Variants in PRKN observed in about 807,000 individuals in gnomAD.
PRKN encodes parkin RBR E3 ubiquitin protein ligase.
PRKN carries 56 observed loss-of-function variants against 59.5 expected under a neutral mutation model. The observed-to-expected ratio is 0.94, with a 90% CI of 0.76 to 1.18. The LOEUF is 1.18. Among genes scored for constraint, PRKN ranks in the 50% most tolerant of loss-of-function variants. The pLI is 0.00. For missense variants in PRKN, 657 were observed against 596.4 expected (o/e 1.10, Z -1.06); for synonymous variants, 250 against 222.1 (o/e 1.13, Z -1.12).
At chr6:161,729,461 T>C (rs1787584148) in intron 7 of PRKN, among the ~76,000 whole-genome samples, 2 of 152,334 alleles carry the variant, frequency 1.3e-5, no homozygotes, top group Middle Eastern at 3.4e-3. Context: ...TTGATTATTA[T>C]AGGTTGGAAA....
chr6:162,180,061 G>A (rs1209536411), intron 4 of PRKN, among the ~76,000 whole-genome samples: 1 of 150,694 alleles, frequency 6.6e-6, no homozygotes, highest in Non-Finnish European at 1.5e-5. Flanking sequence ...CCACAGCTGG[G>A]GGCCTTTGTG....
chr6:162,213,183 GTGGTCCTAAAGAAACAGAAGAA>G (rs1364798177), intron 3 of PRKN, among the ~76,000 whole-genome samples: 1 of 152,124 alleles, frequency 6.6e-6, no homozygotes, highest in Non-Finnish European at 1.5e-5. Context: ...AAGTGGGGTG[GTGGTCCTAAAGAAACAGAAGAA>G]TATTAAAAAC....
intron 7 of PRKN, among the ~76,000 whole-genome samples, chr6:161,685,924 G>A (rs565633980): frequency 2.0e-5 from 3 of 152,156 alleles, no homozygotes; most frequent in Admixed American, 1.3e-4. Context: ...ACCTCACCCC[G>A]GTCCCAGGCC....
At chr6:161,664,127 G>A (rs1472402085) in intron 7 of PRKN, among the ~76,000 whole-genome samples, 1 of 152,198 alleles carries the variant, frequency 6.6e-6, no homozygotes, top group Non-Finnish European at 1.5e-5. Context: ...GGAGCTTATG[G>A]AGGAGAAGTG....
At chr6:161,643,553 C>T (rs1008274158) in intron 7 of PRKN, among the ~76,000 whole-genome samples, 1 of 152,194 alleles carries the variant, frequency 6.6e-6, no homozygotes, top group African/African-American at 2.4e-5. Context: ...TTCATTTAAA[C>T]ATAGGCCAGT....
At chr6:162,202,608 C>A (rs1784777399) in intron 3 of PRKN, among the ~76,000 whole-genome samples, 1 of 152,048 alleles carries the variant, frequency 6.6e-6, no homozygotes, top group South Asian at 2.1e-4. Context: ...CCCTAATGTA[C>A]AACATATTCA....
intron 2 of PRKN, among the ~76,000 whole-genome samples, chr6:162,399,556 T>C (rs78938030): frequency 1.3e-5 from 2 of 152,102 alleles, no homozygotes; most frequent in Non-Finnish European, 2.9e-5. Flanking sequence ...CATGCATGTA[T>C]GCATGCATGC....
rs868203456 is a variant in PRKN at position 161,592,712 on chromosome 6, G to A, written c.872-23296C>T. Among the ~76,000 whole-genome samples the A allele has an allele frequency of 6.6e-6, 1 of 152,114 alleles. No individual in the cohort carries two copies. Among genetic ancestry groups the A allele is most frequent in the African/African-American group, 2.4e-5 (1 of 41,436 alleles). ...TGGAACATCAGCAAAGTCTTCACTA[G>A]GGAGGTCCCTTGTGCAGACCAAGGG... On this transcript the variant is annotated intron_variant, in intron 7 of 11. Coordinates refer to ENST00000366898, the MANE Select transcript of PRKN (RefSeq NM_004562.3). This position sits in a 1 kb window ranked among gnomAD's most constrained non-coding sequence, Gnocchi z 4.8.
At chr6:162,247,916 C>T (rs777933436) in intron 3 of PRKN, among the ~76,000 whole-genome samples, 1 of 152,124 alleles carries the variant, frequency 6.6e-6, no homozygotes, top group Non-Finnish European at 1.5e-5. Flanking sequence ...TATAGCCAAA[C>T]GACCAAGTCT....
chr6:162,692,177 T>A (rs9365479), intron 1 of PRKN, among the ~76,000 whole-genome samples: 1 of 146,580 alleles, frequency 6.8e-6, no homozygotes. Flanking sequence ...ATTAGAAAAT[T>A]AAAAAAAAAA....
Position 161,569,387 on chromosome 6 carries a change from G to T in PRKN, c.901C>A (p.Leu301Ile). Residue 301 changes from leucine (L) to isoleucine (I), a missense_variant, in exon 8 of 12, where the codon CTC becomes ATC. By Grantham distance (5) the Leu-to-Ile change is conservative. Coordinates refer to ENST00000366898, the MANE Select transcript of PRKN (RefSeq NM_004562.3). ...TCTCCCAGAATCCTGAAGTGATGGA[G>T]CTCTTTAATCAAGGAGTTGGGACAG... ...AGCPNSLIKE[L>I]HHFRILGEEQ... The T allele has an allele frequency of 6.2e-7, 1 of 1,613,942 alleles. No homozygotes were observed. Among genetic ancestry groups the T allele is most frequent in the Non-Finnish European group, 8.5e-7 (1 of 1,179,826 alleles).
chr6:162,194,184 A>G (rs1295149279), intron 4 of PRKN, among the ~76,000 whole-genome samples: 2 of 152,228 alleles, frequency 1.3e-5, no homozygotes, highest in African/African-American at 4.8e-5. Context: ...AAACGTTCTT[A>G]AGAAGATGAA....
chr6:162,540,045 A>G (rs974814762), intron 1 of PRKN, among the ~76,000 whole-genome samples: 1 of 151,596 alleles, frequency 6.6e-6, no homozygotes, highest in Admixed American at 6.6e-5. Context: ...CCTCCCGAGT[A>G]GCTGGGATTA....
intron 9 of PRKN, among the ~76,000 whole-genome samples, chr6:161,430,534 G>T (rs1230633718): frequency 5.9e-5 from 9 of 152,112 alleles, no homozygotes. Context: ...ATACTGAATG[G>T]GCCGGGCGTG....
chr6:162,580,524 G>C (rs1780749054), intron 1 of PRKN, among the ~76,000 whole-genome samples: 2 of 151,824 alleles, frequency 1.3e-5, no homozygotes, highest in African/African-American at 4.8e-5. Context: ...ATCTAGCATG[G>C]GGTGACAGGG....
intron 9 of PRKN, among the ~76,000 whole-genome samples, chr6:161,430,181 C>G (rs1583056596): frequency 6.6e-6 from 1 of 152,170 alleles, no homozygotes; most frequent in Non-Finnish European, 1.5e-5. Flanking sequence ...AAGCAAACTT[C>G]CCCTCTGCTG....
chr6:162,500,997 C>T (rs2128187854), intron 1 of PRKN, among the ~76,000 whole-genome samples: 1 of 152,212 alleles, frequency 6.6e-6, no homozygotes, highest in East Asian at 1.9e-4. Context: ...CAGACCCCAT[C>T]CTTACAAAAA....
rs75963581 is a variant in PRKN at position 162,323,537 on chromosome 6, A to T, written c.172-60772T>A. On this transcript the variant is annotated intron_variant, in intron 2 of 11. Transcript: ENST00000366898. The stretch of plus-strand genomic sequence containing the variant: ...TATTCTTGTATCTAGGATATATATA[A>T]AAATTTTCAAACTCAGTAAGAAAGC... Among the ~76,000 whole-genome samples, 629 of 152,204 alleles carry T rather than the reference A, an allele frequency of 4.1e-3. 5 individuals carry two copies. The highest frequency in any genetic ancestry group is 0.015 in the African/African-American group (604 of 41,570).
chr6:162,238,893 C>T (rs1272378724), intron 3 of PRKN, among the ~76,000 whole-genome samples: 3 of 152,120 alleles, frequency 2.0e-5, no homozygotes, highest in Non-Finnish European at 4.4e-5. Context: ...GTGTGCAGTG[C>T]CCGAAGGGGG....
Sources: allele counts gnomAD v4.1 joint callset (sites outside exome capture counted in the v4.1 genomes callset), GRCh38; gene constraint gnomAD v4.1.1; non-coding constraint Gnocchi (gnomAD v3.1); transcripts MANE v1.5; gene names NCBI Gene and HGNC (gene_info 2026-07-23, HGNC 2026-07-21).